The following INPP4B variants were observed in gnomAD, a reference collection of about 807,000 sequenced individuals.
INPP4B encodes the protein inositol polyphosphate 4-phosphatase type II.
INPP4B carries 55 observed loss-of-function variants against 122.5 expected under a neutral mutation model. That is an observed-to-expected ratio of 0.45 (90% CI 0.36 to 0.56). The LOEUF is 0.56. INPP4B is among the 20% of genes least tolerant of loss of function. The probability of loss-of-function intolerance (pLI) is 0.00; values close to 1 mark genes in which losing one functional copy is unlikely to be tolerated. For missense variants in INPP4B, 1,000 were observed against 1,097.7 expected (o/e 0.91, Z 1.26); for synonymous variants, 403 against 388.7 (o/e 1.04, Z -0.43).
At chr4:142,248,386 G>A (rs1051526593) in intron 11 of INPP4B, among the ~76,000 whole-genome samples, 2 of 128,004 alleles carry the variant, frequency 1.6e-5, no homozygotes, top group African/African-American at 5.9e-5. Flanking sequence ...TGCCCAGGCT[G>A]GAGTCCAGTG....
intron 2 of INPP4B, among the ~76,000 whole-genome samples, chr4:142,494,627 C>G (rs1229920462): frequency 6.6e-6 from 1 of 152,082 alleles, no homozygotes; most frequent in East Asian, 1.9e-4. Flanking sequence ...TGTTTTCTTT[C>G]CAAAACTTTA....
intron 9 of INPP4B, among the ~76,000 whole-genome samples, chr4:142,271,842 T>C (rs1307548916): frequency 3.9e-5 from 6 of 152,202 alleles, no homozygotes; most frequent in Non-Finnish European, 7.3e-5. Flanking sequence ...AATTTTATGT[T>C]TGGCAATAAT....
intron 5 of INPP4B, among the ~76,000 whole-genome samples, chr4:142,421,477 T>A (rs775867398): frequency 3.3e-5 from 5 of 152,120 alleles, no homozygotes; most frequent in Admixed American, 6.6e-5. Context: ...ACATATAATT[T>A]GGTGGCAATA....
intron 1 of INPP4B, among the ~76,000 whole-genome samples, chr4:142,840,575 A>C (rs1384870614): frequency 6.6e-6 from 1 of 152,146 alleles, no homozygotes; most frequent in Non-Finnish European, 1.5e-5. Flanking sequence ...AGATCTTCTG[A>C]ATATACTACT....
chr4:142,707,128 T>G (rs768976589), intron 2 of INPP4B, among the ~76,000 whole-genome samples: 1 of 152,328 alleles, frequency 6.6e-6, no homozygotes, highest in Non-Finnish European at 1.5e-5. Context: ...TCTCCAAAAC[T>G]TCACTGTTAT....
chr4:142,168,009 T>C (rs1466903239), intron 16 of INPP4B, among the ~76,000 whole-genome samples: 1 of 151,520 alleles, frequency 6.6e-6, no homozygotes, highest in Non-Finnish European at 1.5e-5. Context: ...GACTTTATTT[T>C]CTTCTGGCTT....
chr4:142,144,993 T>TA (rs1485965145), intron 18 of INPP4B, among the ~76,000 whole-genome samples: 5 of 152,028 alleles, frequency 3.3e-5, no homozygotes, highest in Middle Eastern at 3.2e-3. Flanking sequence ...TCCAAACACT[T>TA]AAAGTACCCA....
intron 23 of INPP4B, among the ~76,000 whole-genome samples, chr4:142,088,420 G>A (rs891428548): frequency 6.6e-6 from 1 of 152,216 alleles, no homozygotes; most frequent in Non-Finnish European, 1.5e-5. Flanking sequence ...AGGTATATCG[G>A]TGACATAGAA....
intron 2 of INPP4B, among the ~76,000 whole-genome samples, chr4:142,724,961 T>C (rs987699068): frequency 4.6e-5 from 7 of 152,240 alleles, no homozygotes; most frequent in African/African-American, 1.7e-4. Flanking sequence ...TTCATTAATA[T>C]ACTATATATG....
intron 3 of INPP4B, among the ~76,000 whole-genome samples, chr4:142,436,503 T>A (rs1346189815): frequency 6.6e-6 from 1 of 152,122 alleles, no homozygotes; most frequent in Non-Finnish European, 1.5e-5. Context: ...GCATTCCTAC[T>A]AGCATCAGAT....
intron 2 of INPP4B, among the ~76,000 whole-genome samples, chr4:142,567,642 A>G (rs975037551): frequency 6.6e-5 from 10 of 152,196 alleles, no homozygotes; most frequent in Non-Finnish European, 1.3e-4. Flanking sequence ...TATTTCTGAT[A>G]CCTGTAATAA....
intron 1 of INPP4B, among the ~76,000 whole-genome samples, chr4:142,832,800 C>A (rs922602033): frequency 6.6e-5 from 10 of 151,326 alleles, no homozygotes; most frequent in African/African-American, 2.5e-4. Context: ...TTCACACACA[C>A]ACACAAATAA....
intron 20 of INPP4B, 43 bp from the exon 21 acceptor site, chr4:142,122,288 G>T: frequency 7.2e-7 from 1 of 1,397,144 alleles, no homozygotes; most frequent in Non-Finnish European, 1.0e-6. Context: ...AAACATTTGA[G>T]GAAAATGTCA....
At chr4:142,030,291 TG>T in intron 25 of INPP4B, 1 of 1,535,074 alleles carries the variant, frequency 6.5e-7, no homozygotes, top group Non-Finnish European at 8.7e-7. Context: ...CAGTGCTCCC[TG>T]GGTTTGTCTG....
chr4:142,530,393 C>T (rs1429159286), intron 2 of INPP4B, among the ~76,000 whole-genome samples: 1 of 151,880 alleles, frequency 6.6e-6, no homozygotes, highest in East Asian at 1.9e-4. Context: ...GTATGAGACA[C>T]TATTCGTTAA....
chr4:142,841,008 G>A (rs1266345910), intron 1 of INPP4B, among the ~76,000 whole-genome samples: 1 of 151,868 alleles, frequency 6.6e-6, no homozygotes, highest in Non-Finnish European at 1.5e-5. Flanking sequence ...GTGATTTACA[G>A]GTTTTGTTAA....
chr4:142,034,292 C>T (rs1742393594), intron 25 of INPP4B, among the ~76,000 whole-genome samples: 1 of 152,086 alleles, frequency 6.6e-6, no homozygotes, highest in African/African-American at 2.4e-5. Context: ...AGTGGGGGTA[C>T]TGCTACTGGC....
chr4:142,461,774 C>G (rs1299347281), intron 3 of INPP4B, among the ~76,000 whole-genome samples: 4 of 151,696 alleles, frequency 2.6e-5, no homozygotes, highest in African/African-American at 9.7e-5. Flanking sequence ...CTGAAAATGA[C>G]TTCAGGAAAT....
intron 1 of INPP4B, among the ~76,000 whole-genome samples, chr4:142,791,949 A>G (rs931377174): frequency 1.3e-5 from 2 of 152,140 alleles, no homozygotes; most frequent in Admixed American, 1.3e-4. Flanking sequence ...GGTTGACAAG[A>G]AATTCTGAAG....
Sources: gnomAD v4.1 joint callset for allele counts (sites outside exome capture counted in the v4.1 genomes callset) on GRCh38, gnomAD v4.1.1 for gene constraint, MANE v1.5 for transcripts, NCBI Gene and HGNC (gene_info 2026-07-23, HGNC 2026-07-21) for gene names.